The following ANXA10 variants were observed in gnomAD, a reference collection of about 807,000 sequenced individuals.
ANXA10 encodes annexin 14.
In ANXA10, 49 loss-of-function variants were observed where a neutral mutation model predicts 53.5. That is an observed-to-expected ratio of 0.92 (90% CI 0.73 to 1.16). ANXA10 has a LOEUF of 1.16. Ranked by LOEUF, ANXA10 falls within the 50% of genes most tolerant of loss-of-function variation. The pLI, the probability that ANXA10 is intolerant of heterozygous loss-of-function variation, is 0.00. For synonymous variants in ANXA10, 131 were observed against 128.9 expected (o/e 1.02, Z -0.11); for missense variants, 393 against 394.4 (o/e 1.00, Z 0.03).
intron 3 of ANXA10, among the ~76,000 whole-genome samples, chr4:168,141,492 C>A (rs530989913): frequency 7.9e-5 from 12 of 152,330 alleles, no homozygotes; most frequent in African/African-American, 2.4e-4. Context: ...AATTTTCACA[C>A]ATCACTTTGC....
At chr4:168,139,640 A>T in intron 3 of ANXA10, 60 bp downstream of exon 3, 1 of 1,289,284 alleles carries the variant, frequency 7.8e-7, no homozygotes, top group Middle Eastern at 1.9e-4. Context: ...AACCACACTC[A>T]CGGATAATAG....
At chr4:168,145,344 T>C (rs1014600553) in intron 3 of ANXA10, among the ~76,000 whole-genome samples, 2 of 152,270 alleles carry the variant, frequency 1.3e-5, no homozygotes, top group Admixed American at 6.5e-5. Flanking sequence ...TGCTAACCCA[T>C]AATTTCTAAT....
chr4:168,183,805 T>G (rs1280933914), intron 10 of ANXA10, among the ~76,000 whole-genome samples: 1 of 152,230 alleles, frequency 6.6e-6, no homozygotes, highest in Non-Finnish European at 1.5e-5. Flanking sequence ...ACTTGTTAGA[T>G]CATTCATTTT....
intron 3 of ANXA10, among the ~76,000 whole-genome samples, chr4:168,151,729 T>C (rs1731500650): frequency 6.6e-6 from 1 of 152,246 alleles, no homozygotes; most frequent in African/African-American, 2.4e-5. Flanking sequence ...TATTTAAACA[T>C]GTTATTCGAT....
intron 2 of ANXA10, among the ~76,000 whole-genome samples, chr4:168,138,219 C>T (rs747232195): frequency 6.6e-6 from 1 of 152,114 alleles, no homozygotes; most frequent in Non-Finnish European, 1.5e-5. Flanking sequence ...CCTCGACCCC[C>T]CAAAGTGCTG....
chr4:168,146,479 G>A (rs563708808), intron 3 of ANXA10, among the ~76,000 whole-genome samples: 2 of 152,306 alleles, frequency 1.3e-5, no homozygotes, highest in African/African-American at 2.4e-5. Flanking sequence ...CAGGAAAAAC[G>A]CAAGTCAACC....
intron 6 of ANXA10, among the ~76,000 whole-genome samples, chr4:168,174,984 G>A (rs1372561736): frequency 6.6e-6 from 1 of 152,050 alleles, no homozygotes; most frequent in Non-Finnish European, 1.5e-5. Context: ...AAGACAAATG[G>A]GTATCATTAC....
At chr4:168,152,487 A>C in intron 3 of ANXA10, among the ~76,000 whole-genome samples, 1 of 152,158 alleles carries the variant, frequency 6.6e-6, no homozygotes, top group East Asian at 1.9e-4. Context: ...CATGGGAATA[A>C]AACACTGAGT....
At chr4:168,165,535 C>T (rs1052921165) in intron 6 of ANXA10, among the ~76,000 whole-genome samples, 1 of 151,714 alleles carries the variant, frequency 6.6e-6, no homozygotes, top group African/African-American at 2.4e-5. Flanking sequence ...AATGCCTCAA[C>T]TCTATTTTCA....
intron 3 of ANXA10, among the ~76,000 whole-genome samples, chr4:168,155,778 ATT>A (rs1560783691): frequency 0.035 from 309 of 8,826 alleles, 40 homozygotes; most frequent in African/African-American, 0.2. Context: ...TATATCATAT[ATT>A]ATATATTATA....
chr4:168,156,291 T>G lies in ANXA10; in HGVS notation c.196-6237T>G, dbSNP rs865948972. ...ATATTATATATAATAGTATATATTA[T>G]ATTATATTATATATAATAGTATATA... On this transcript the variant is annotated intron_variant, in intron 3 of 11. Coordinates refer to ENST00000359299, the MANE Select transcript of ANXA10 (RefSeq NM_007193.5). Among the ~76,000 whole-genome samples the G allele has an allele frequency of 7.5e-3, 492 of 65,200 alleles. 9 individuals are homozygous for G. The highest frequency in any genetic ancestry group is 0.026 in the African/African-American group (471 of 18,158). The allele number at this position is 65,200 out of a possible 152,430, so 42.8% of individuals were successfully genotyped here.
At chr4:168,139,146 T>C (rs536576504) in intron 2 of ANXA10, among the ~76,000 whole-genome samples, 1 of 152,162 alleles carries the variant, frequency 6.6e-6, no homozygotes, top group African/African-American at 2.4e-5. Context: ...TGAATGGGAG[T>C]GGAGAAAGGA....
At chr4:168,166,312 C>G (rs1311271894) in intron 6 of ANXA10, among the ~76,000 whole-genome samples, 1 of 152,036 alleles carries the variant, frequency 6.6e-6, no homozygotes, top group African/African-American at 2.4e-5. Flanking sequence ...AACACTACTT[C>G]AAGTTAAAAA....
chr4:168,158,664 G>A (rs1269921515), intron 3 of ANXA10, among the ~76,000 whole-genome samples: 3 of 152,074 alleles, frequency 2.0e-5, no homozygotes, highest in Non-Finnish European at 2.9e-5. Flanking sequence ...TTTTTCACTG[G>A]TATCCTCTTC....
chr4:168,120,861 A>C (rs975455223), intron 1 of ANXA10, among the ~76,000 whole-genome samples: 2 of 152,052 alleles, frequency 1.3e-5, no homozygotes, highest in African/African-American at 4.8e-5. Flanking sequence ...TCACTTCATT[A>C]ATTTTTTTTC....
intron 3 of ANXA10, among the ~76,000 whole-genome samples, chr4:168,155,445 G>A (rs183048319): frequency 0.14 from 2,237 of 16,252 alleles, 183 homozygotes; most frequent in African/African-American, 0.34. Flanking sequence ...ATATAATTAT[G>A]AATTATATAT....
intron 1 of ANXA10, among the ~76,000 whole-genome samples, chr4:168,093,770 C>T (rs1730499098): frequency 6.6e-6 from 1 of 152,106 alleles, no homozygotes; most frequent in Admixed American, 6.6e-5. Context: ...ATTGTTTACT[C>T]ATACAAAGTA....
intron 3 of ANXA10, among the ~76,000 whole-genome samples, chr4:168,153,996 A>G (rs957698899): frequency 7.9e-5 from 12 of 151,262 alleles, no homozygotes; most frequent in Non-Finnish European, 1.6e-4. Flanking sequence ...ACACACACAC[A>G]CACACACGCA....
At position 168,092,655 on chromosome 4, in the gene ANXA10, A is replaced by G; in HGVS notation, c.-46A>G. ...GCTTCACAGTGAAACAAGTTTATGC[A>G]ATCGATCAAATATTTTCATCCCTGA... On this transcript the variant is annotated 5_prime_UTR_variant, in exon 1 of 12. Coordinates refer to ENST00000359299, the MANE Select transcript of ANXA10 (RefSeq NM_007193.5). 6.4e-7 allele frequency: 1 copy of G among 1,565,654 alleles called. No individual in the cohort carries two copies. Among genetic ancestry groups the G allele is most frequent in the Admixed American group, 1.8e-5 (1 of 54,248 alleles).
Sources: allele counts gnomAD v4.1 joint callset (sites outside exome capture counted in the v4.1 genomes callset), GRCh38; gene constraint gnomAD v4.1.1; transcripts MANE v1.5; gene names NCBI Gene and HGNC (gene_info 2026-07-23, HGNC 2026-07-21).